The following URB1 variants were observed in gnomAD, a reference collection of about 807,000 sequenced individuals.
URB1 encodes the protein nucleolar pre-ribosomal-associated protein 1.
URB1 carries 197 observed loss-of-function variants against 242.3 expected under a neutral mutation model. That is an observed-to-expected ratio of 0.81 (90% confidence interval 0.72 to 0.91). The LOEUF (loss-of-function observed/expected upper bound fraction) is 0.91. Ranked by LOEUF, URB1 falls within the 40% of genes least tolerant of loss-of-function variation. The pLI is 0.00. For missense variants in URB1, 2,721 were observed against 2,860.5 expected, an observed-to-expected ratio of 0.95 and a Z score of 1.11; for synonymous variants, 1,153 against 1,201.8, an observed-to-expected ratio of 0.96 and a Z score of 0.84.
chr21:32,357,708 AT>A, intron 14 of URB1, 52 bp from the exon 15 acceptor site: 1 of 1,224,534 alleles, frequency 8.2e-7, no homozygotes. Context: ...TACATATATA[AT>A]TTTAATATAT....
intron 11 of URB1, among the ~76,000 whole-genome samples, chr21:32,362,722 C>T (rs934126610): frequency 2.0e-5 from 3 of 152,148 alleles, no homozygotes; most frequent in Admixed American, 1.3e-4. Context: ...TGGTCTTCAG[C>T]CATAGGAAGC....
chr21:32,366,152 C>A (rs1043298535), intron 10 of URB1, among the ~76,000 whole-genome samples: 8 of 151,956 alleles, frequency 5.3e-5, no homozygotes, highest in African/African-American at 1.7e-4. Context: ...AAACAGCTGG[C>A]CTTCAAAGTA....
Position 32,378,434 on chromosome 21 carries a change from A to G in URB1, c.664+11T>C. On this transcript the variant is annotated intron_variant, in intron 5 of 38. Transcript: ENST00000382751. The stretch of plus-strand genomic sequence containing the variant: ...AATGGGCTTTCCTAACGGACAAGGG[A>G]GTACACCTACCTTTCACTTCCAACA... 1 of 1,549,300 alleles carries G rather than the reference A, an allele frequency of 6.5e-7. No homozygotes were observed.
rs1296574136 is a variant in URB1 at position 32,320,833 on chromosome 21, C to A, written c.5485-193G>T. Among the ~76,000 whole-genome samples the A allele has an allele frequency of 3.3e-5, 5 of 152,246 alleles. No individual in the cohort carries two copies. In the East Asian group the frequency reaches 9.6e-4, roughly 29 times the overall value. The stretch of plus-strand genomic sequence containing the variant: ...CCCTACAAGAGACAGCCAGAGGACA[C>A]AGACTTCCACAGCAATCTCTGGGCC... On this transcript the variant is annotated intron_variant, in intron 34 of 38. Coordinates refer to ENST00000382751, the MANE Select transcript of URB1 (RefSeq NM_014825.3).
intron 10 of URB1, 71 bp downstream of exon 10, chr21:32,366,547 A>G (rs1463953827): frequency 6.5e-7 from 1 of 1,536,678 alleles, no homozygotes; most frequent in African/African-American, 1.4e-5. Context: ...AGTTCTCAGA[A>G]TAATCACATC....
chr21:32,313,141 T>C lies in URB1; in HGVS notation c.*1777A>G, dbSNP rs1263640212. On this transcript the variant is annotated 3_prime_UTR_variant, in exon 39 of 39. Transcript: ENST00000382751. ...CCTGACGTAGTATGTATTGACTTGC[T>C]GGGCCCTAAGAACCTGGGAGGCAGC... 6.6e-6 allele frequency: 1 copy of C among 152,232 alleles called. No homozygotes were observed. Among genetic ancestry groups the C allele is most frequent in the African/African-American group, 2.4e-5 (1 of 41,432 alleles). 9.4% of individuals were successfully genotyped at this position (152,232 alleles called of 1,614,324 possible).
chr21:32,312,429 G>T lies in URB1; in HGVS notation c.*2489C>A. The T allele has an allele frequency of 1.3e-6, 1 of 744,942 alleles. No individual in the cohort carries two copies. Among genetic ancestry groups the T allele is most frequent in the Non-Finnish European group, 1.8e-6 (1 of 561,194 alleles). The allele number at this position is 744,942 out of a possible 1,614,324, so 46.1% of individuals were successfully genotyped here. A position where few individuals can be genotyped will look rare whatever the true frequency, so the allele number is the denominator to read the frequency against. ...CATCCAAGCTCCACTAACACCCGCC[G>T]GCTCCCCCAGATGTGATGGCATCTG... is the stretch of plus-strand genomic sequence containing the variant. On this transcript the variant is annotated 3_prime_UTR_variant, in exon 39 of 39. Coordinates refer to ENST00000382751, the MANE Select transcript of URB1 (RefSeq NM_014825.3).
At chr21:32,378,624 C>T (rs1270899810) in intron 4 of URB1, 83 bp from the exon 5 acceptor site, 2 of 1,128,934 alleles carry the variant, frequency 1.8e-6, no homozygotes, top group Non-Finnish European at 2.6e-6. Flanking sequence ...CCAAGCACAC[C>T]CCTCCCGTCT....
chr21:32,382,743 C>T (rs978898770), intron 4 of URB1, among the ~76,000 whole-genome samples: 2 of 152,082 alleles, frequency 1.3e-5, no homozygotes, highest in African/African-American at 4.8e-5. Context: ...CGACAGACAA[C>T]CTGGAGCCAG....
chr21:32,327,041 T>C (rs1438142364), intron 30 of URB1, among the ~76,000 whole-genome samples: 2 of 151,806 alleles, frequency 1.3e-5, no homozygotes, highest in South Asian at 2.1e-4. Context: ...GAAGAAATAA[T>C]GGCCAAAACT....
At chr21:32,343,905 G>A (rs2123574605) in intron 24 of URB1, among the ~76,000 whole-genome samples, 1 of 151,564 alleles carries the variant, frequency 6.6e-6, no homozygotes, top group South Asian at 2.1e-4. Context: ...CCTAAAATCA[G>A]TCAGAGAAAG....
At chr21:32,327,835 A>G (rs2032847585) in intron 30 of URB1, among the ~76,000 whole-genome samples, 1 of 152,252 alleles carries the variant, frequency 6.6e-6, no homozygotes, top group Admixed American at 6.5e-5. Context: ...TGTGTACTAT[A>G]AACCCTAAAG....
In URB1 at chr21:32,372,520, C is replaced by A; in HGVS notation, c.988G>T (p.Gly330Cys). 6.4e-7 allele frequency: 1 copy of A among 1,551,424 alleles called. No individual in the cohort carries two copies. The highest frequency in any genetic ancestry group is 8.7e-7 in the Non-Finnish European group (1 of 1,146,964). Residue 330 changes from glycine to cysteine, a missense_variant, in exon 8 of 39, where the codon GGT becomes TGT. Physicochemically the swap from Gly to Cys is radical, Grantham distance 159. Coordinates refer to ENST00000382751, the MANE Select transcript of URB1 (RefSeq NM_014825.3). Reference protein sequence around the residue: ...HGINFYDASLGTFGRGGNLTL... With the variant: ...HGINFYDASLCTFGRGGNLTL... ...GTTATACTTTACCTGCCAAAGGTAC[C>A]CAAAGATGCATCGTAAAAATTAATT...
At chr21:32,361,498 C>A (rs2033287306) in intron 12 of URB1, among the ~76,000 whole-genome samples, 1 of 149,178 alleles carries the variant, frequency 6.7e-6, no homozygotes, top group Non-Finnish European at 1.5e-5. Flanking sequence ...TGCAGGGCTG[C>A]CGAAAGGATG....
At chr21:32,365,214 G>A (rs532414853) in intron 10 of URB1, among the ~76,000 whole-genome samples, 2 of 152,200 alleles carry the variant, frequency 1.3e-5, no homozygotes, top group Admixed American at 6.5e-5. Context: ...GGAGGTTGAG[G>A]TGGGAAAACT....
rs559443711 is a variant in URB1, at chr21:32,376,073, ACTTTT to A, written c.665-595_665-591del. ...TTCAGTAGGTCTTTAGTTCCATTTT[ACTTTT>A]CTTTTCTCATATTAAAATTAACTAA... On this transcript the variant is annotated intron_variant, in intron 5 of 38. Coordinates refer to ENST00000382751, the MANE Select transcript of URB1 (RefSeq NM_014825.3). Among the ~76,000 whole-genome samples, 296 of 152,350 alleles carry A rather than the reference ACTTTT, an allele frequency of 1.9e-3. 2 individuals carry two copies. Among genetic ancestry groups the A allele is most frequent in the African/African-American group, 6.6e-3 (276 of 41,584 alleles).
At chr21:32,364,240 C>T (rs1184036184) in intron 10 of URB1, among the ~76,000 whole-genome samples, 1 of 152,078 alleles carries the variant, frequency 6.6e-6, no homozygotes, top group Non-Finnish European at 1.5e-5. Context: ...GGAAAACAGT[C>T]CCTGCCCCTG....
At chr21:32,362,347 A>T (rs2033299143) in intron 11 of URB1, among the ~76,000 whole-genome samples, 1 of 152,092 alleles carries the variant, frequency 6.6e-6, no homozygotes, top group Non-Finnish European at 1.5e-5. Context: ...CTGGAACTAC[A>T]GGCACCCACC....
In URB1 at chr21:32,347,181, C is replaced by T. The variant is rs558161124; in HGVS notation, c.3643G>A (p.Gly1215Arg). The change falls in exon 22 of 39, where the codon GGG becomes AGG. Residue 1215 changes from glycine to arginine, a missense_variant. By Grantham distance (125) the Gly-to-Arg change is moderately radical (BLOSUM62 -2). Coordinates refer to ENST00000382751, the MANE Select transcript of URB1 (RefSeq NM_014825.3). ...QRDPVLAPAV[G>R]ADLLDYCLAR... is the part of the protein sequence containing the mutation. ...AGGCAGTAGTCAAGCAGATCAGCCC[C>T]GACTGCGGGGGCCAGCACAGGGTCT... The T allele has an allele frequency of 7.2e-5, 112 of 1,549,540 alleles. No homozygotes were observed. In the South Asian group the frequency reaches 1.2e-3, roughly 17 times the overall value.
Sources: gnomAD v4.1 joint callset for allele counts (sites outside exome capture counted in the v4.1 genomes callset) on GRCh38, gnomAD v4.1.1 for gene constraint, MANE v1.5 for transcripts, NCBI Gene and HGNC (gene_info 2026-07-23, HGNC 2026-07-21) for gene names.